The following PAH variants were observed in gnomAD, a reference collection of about 807,000 sequenced individuals.
PAH encodes phenylalanine hydroxylase.
Under a neutral mutation model 62.0 loss-of-function variants are expected in PAH, and 64 were observed. The ratio of observed to expected loss-of-function variants is 1.03; its 90% CI spans 0.84 to 1.27. The LOEUF is 1.27. Ranked by LOEUF, PAH falls within the 50% of genes most tolerant of loss-of-function variation. PAH has a pLI of 0.00. For synonymous variants in PAH, 195 were observed against 196.2 expected (o/e 0.99, Z 0.05); for missense variants, 579 against 542.8 (o/e 1.07, Z -0.66).
chr12:102,854,745 C>T (rs1001169072), intron 6 of PAH: 11 of 307,158 alleles, frequency 3.6e-5, no homozygotes, highest in East Asian at 1.7e-4. Flanking sequence ...GCACCATCCC[C>T]GAAAATAGCA....
chr12:102,846,899 G>C lies in PAH; in HGVS notation c.965C>G (p.Ala322Gly), dbSNP rs62514958. Residue 322 changes from alanine (A) to glycine (G), a missense_variant, in exon 9 of 13, where the codon GCC (alanine) becomes GGC (glycine). Ala to Gly is a moderately conservative substitution (Grantham distance 60). Coordinates refer to ENST00000553106, the MANE Select transcript of PAH (RefSeq NM_000277.3). ...GAPDEYIEKL[A>G]TIYWFTVEFG... ...CCAGGGAGAGAAGGGACTTACTGTGGCGAGCTTTTCAATGTATTCATCAGG... is the reference window on the plus strand; with the variant it reads ...CCAGGGAGAGAAGGGACTTACTGTGCCGAGCTTTTCAATGTATTCATCAGG... The C allele has an allele frequency of 3.1e-5, 50 of 1,613,178 alleles. No individual in the cohort carries two copies. Among genetic ancestry groups the C allele is most frequent in the Non-Finnish European group, 1.7e-5 (20 of 1,179,346 alleles).
At chr12:102,914,888 T>C (rs1056070728) in intron 1 of PAH, among the ~76,000 whole-genome samples, 3 of 152,206 alleles carry the variant, frequency 2.0e-5, no homozygotes, top group Non-Finnish European at 2.9e-5. Flanking sequence ...GAAATGCCTC[T>C]GGGCATCAGG....
rs151100241 is a variant in PAH at position 102,841,047 on chromosome 12, A to G, written c.1200-532T>C. Among the ~76,000 whole-genome samples, 379 of 152,344 alleles carry G rather than the reference A, an allele frequency of 2.5e-3. 2 individuals are homozygous for G. Among genetic ancestry groups the G allele is most frequent in the African/African-American group, 8.5e-3 (352 of 41,580 alleles). On this transcript the variant is annotated intron_variant, in intron 11 of 12. Transcript: ENST00000553106. ...TCTTTACAAATATCCTTCCTTATTT[A>G]ACCTTCACAAAAACCTTAGGAGAAA... is the stretch of plus-strand genomic sequence containing the variant.
At chr12:102,863,469 A>G (rs1592959671) in intron 5 of PAH, among the ~76,000 whole-genome samples, 1 of 152,138 alleles carries the variant, frequency 6.6e-6, no homozygotes, top group Non-Finnish European at 1.5e-5. Flanking sequence ...AGAAGTGGGC[A>G]TGTGACCAGA....
intron 10 of PAH, among the ~76,000 whole-genome samples, chr12:102,844,063 T>C (rs1197391778): frequency 6.6e-6 from 1 of 152,088 alleles, no homozygotes; most frequent in African/African-American, 2.4e-5. Flanking sequence ...TGGCATGTGT[T>C]TGCATACTCA....
chr12:102,903,209 A>G (rs1216337485), intron 2 of PAH, among the ~76,000 whole-genome samples: 1 of 152,094 alleles, frequency 6.6e-6, no homozygotes, highest in Non-Finnish European at 1.5e-5. Context: ...AAAAATACAA[A>G]AATTAGCCAG....
chr12:102,869,412 A>G (rs968482309), intron 4 of PAH, among the ~76,000 whole-genome samples: 1 of 152,232 alleles, frequency 6.6e-6, no homozygotes, highest in South Asian at 2.1e-4. Flanking sequence ...AGGTAGTGGG[A>G]AAAATAAGTA....
chr12:102,894,904 G>A lies in PAH; in HGVS notation c.183C>T (p.Asn61=). Residue 61 remains asparagine (N), a synonymous_variant, in exon 3 of 13, where the codon AAC becomes AAT. Transcript: ENST00000553106. ...VLRLFEENDV[N]LTHIESRPSR... ...AAGGTCTAGATTCAATGTGGGTCAG[G>A]TTTACATCATTCTCCTAGAAGAGAG... is the stretch of plus-strand genomic sequence containing the variant. The A allele has an allele frequency of 1.2e-6, 2 of 1,613,192 alleles. No homozygotes were observed. The highest frequency in any genetic ancestry group is 1.7e-6 in the Non-Finnish European group (2 of 1,179,504).
intron 1 of PAH, among the ~76,000 whole-genome samples, chr12:102,933,376 G>T (rs919200511): frequency 6.6e-6 from 1 of 151,904 alleles, no homozygotes. Flanking sequence ...CTATTCATTT[G>T]TTAATAGGCA....
At chr12:102,891,553 C>T (rs949168929) in intron 3 of PAH, among the ~76,000 whole-genome samples, 3 of 152,130 alleles carry the variant, frequency 2.0e-5, no homozygotes, top group Non-Finnish European at 2.9e-5. Flanking sequence ...AACTTTAAGT[C>T]CTTAATTAAA....
intron 1 of PAH, among the ~76,000 whole-genome samples, chr12:102,938,510 G>A (rs890621111): frequency 2.0e-5 from 3 of 152,146 alleles, no homozygotes; most frequent in Non-Finnish European, 4.4e-5. Flanking sequence ...CCACAGTGCT[G>A]AGGAAGGGAC....
At chr12:102,917,375 G>C, upstream of PAH, 2 of 536,202 alleles carry the variant, frequency 3.7e-6, no homozygotes, top group Non-Finnish European at 6.8e-6. Context: ...CGGAGGGGAG[G>C]GGCTGAGGGA....
At chr12:102,952,096 G>T (rs568165779), upstream of PAH, among the ~76,000 whole-genome samples, 1 of 152,088 alleles carries the variant, frequency 6.6e-6, no homozygotes, top group South Asian at 2.1e-4. Context: ...CAAAGAAGCC[G>T]TACAACAAAG....
At chr12:102,877,673 C>G in intron 3 of PAH, 123 bp from the exon 4 acceptor site, 2 of 757,724 alleles carry the variant, frequency 2.6e-6, no homozygotes, top group Admixed American at 1.9e-5. Flanking sequence ...TTCCAGATAA[C>G]CCCCAAATTA....
At chr12:102,850,165 T>A (rs1318266289) in intron 8 of PAH, among the ~76,000 whole-genome samples, 2 of 152,208 alleles carry the variant, frequency 1.3e-5, no homozygotes, top group Non-Finnish European at 2.9e-5. Context: ...ATCAAAGATA[T>A]CTTGGCAGCA....
rs1874447728 is a variant in PAH at position 102,838,303 on chromosome 12, A to G, written c.*872T>C. 6.6e-6 allele frequency: 1 copy of G among 152,264 alleles called. No homozygotes were observed. The allele number at this position is 152,264 out of a possible 1,614,324, so 9.4% of individuals were successfully genotyped here. A position where few individuals can be genotyped will look rare whatever the true frequency, so the allele number is the denominator to read the frequency against. On this transcript the variant is annotated 3_prime_UTR_variant, in exon 13 of 13. Transcript: ENST00000553106. ...TGAGAGGAATATTTCATTCCAGGAA[A>G]TAACTGAAACAGTGAAATTGTTTAA...
chr12:102,868,085 TGTG>T (rs1876101722), intron 4 of PAH, among the ~76,000 whole-genome samples: 1 of 39,424 alleles, frequency 2.5e-5, no homozygotes, highest in Non-Finnish European at 5.3e-5. Flanking sequence ...TATATGTGTG[TGTG>T]TATATATATA....
intron 2 of PAH, among the ~76,000 whole-genome samples, chr12:102,899,663 T>C (rs925160034): frequency 2.4e-4 from 36 of 150,392 alleles, no homozygotes; most frequent in African/African-American, 8.6e-4. Context: ...ATCGAGACCA[T>C]CCCAGCTAAA....
intron 2 of PAH, among the ~76,000 whole-genome samples, chr12:102,912,322 C>T (rs956902830): frequency 3.9e-5 from 6 of 152,012 alleles, no homozygotes; most frequent in Admixed American, 2.0e-4. Context: ...AAGAAAGGGA[C>T]GGTGTCTTGC....
Sources: allele counts gnomAD v4.1 joint callset (sites outside exome capture counted in the v4.1 genomes callset), GRCh38; gene constraint gnomAD v4.1.1; transcripts MANE v1.5; gene names NCBI Gene and HGNC (gene_info 2026-07-23, HGNC 2026-07-21).